F5: variants seen among roughly 807,000 people sequenced by gnomAD.
The protein encoded by F5 is coagulation factor V.
In F5, 138 loss-of-function variants were observed where a neutral mutation model predicts 216.4. The observed-to-expected ratio is 0.64, with a 90% CI of 0.56 to 0.73. F5 has a LOEUF of 0.73. Ranked by LOEUF, F5 falls within the 30% of genes least tolerant of loss-of-function variation. F5 has a pLI of 0.00. For missense variants in F5, 2,403 were observed against 2,674.0 expected (o/e 0.90, Z 2.24); for synonymous variants, 916 against 930.7 (o/e 0.98, Z 0.29).
At chr1:169,575,722 A>G (rs1439567048) in intron 2 of F5, among the ~76,000 whole-genome samples, 2 of 151,922 alleles carry the variant, frequency 1.3e-5, no homozygotes, top group Non-Finnish European at 2.9e-5. Context: ...TGATTTGGGG[A>G]GCTGGGTGGA....
chr1:169,528,688 T>A (rs9332624), intron 16 of F5, among the ~76,000 whole-genome samples: 1 of 152,072 alleles, frequency 6.6e-6, no homozygotes, highest in African/African-American at 2.4e-5. Context: ...AGGCTTTATC[T>A]ACTCTCCCCA....
chr1:169,540,180 G>A (rs1397216454), intron 13 of F5, 114 bp downstream of exon 13: 12 of 1,150,106 alleles, frequency 1.0e-5, no homozygotes, highest in South Asian at 1.3e-5. Flanking sequence ...TGCAATAGGG[G>A]AACCACACTG....
At chr1:169,561,514 A>T (rs894494576) in intron 3 of F5, among the ~76,000 whole-genome samples, 12 of 152,268 alleles carry the variant, frequency 7.9e-5, no homozygotes, top group African/African-American at 2.9e-4. Context: ...ACTCAATATT[A>T]AAAGAAGTGT....
intron 5 of F5, 83 bp downstream of exon 5, chr1:169,559,070 T>G: frequency 6.7e-7 from 1 of 1,497,144 alleles, no homozygotes; most frequent in Non-Finnish European, 9.3e-7. Context: ...TATGGTCAAC[T>G]TCTCTAGTGC....
chr1:169,533,848 A>T (rs1182605095), intron 14 of F5, among the ~76,000 whole-genome samples: 1 of 152,156 alleles, frequency 6.6e-6, no homozygotes, highest in Admixed American at 6.5e-5. Flanking sequence ...AAAGAATTTG[A>T]AACAGAACTA....
Position 169,559,296 on chromosome 1 carries a change from C to G in F5, c.587G>C (p.Gly196Ala). ...LIGPLLICKK[G>A]TLTEGGTQKT... is the part of the protein sequence containing the mutation. ...CTGTGTCCCACCCTCAGTTAGGGTCCCTATGAAAGGAAAGACATGTTTTCA... is the reference window on the plus strand; with the variant it reads ...CTGTGTCCCACCCTCAGTTAGGGTCGCTATGAAAGGAAAGACATGTTTTCA... The change falls in exon 5 of 25, where the codon GGG becomes GCG. Residue 196 changes from glycine (G) to alanine (A), a missense_variant and splice_region_variant. This residue lies in a region of F5 where 1,425 missense variants were observed against 1,554.8 expected (regional missense o/e 0.92). Coordinates refer to ENST00000367797, the MANE Select transcript of F5 (RefSeq NM_000130.5). 6.2e-7 allele frequency: 1 copy of G among 1,613,478 alleles called. No homozygotes were observed. The highest frequency in any genetic ancestry group is 8.5e-7 in the Non-Finnish European group (1 of 1,179,632).
chr1:169,572,010 G>T (rs1660734810), intron 3 of F5, among the ~76,000 whole-genome samples: 1 of 152,134 alleles, frequency 6.6e-6, no homozygotes, highest in Non-Finnish European at 1.5e-5. Context: ...ACATTAAAGA[G>T]TAAGAACCCA....
chr1:169,566,949 G>A (rs1183173215), intron 3 of F5, among the ~76,000 whole-genome samples: 1 of 152,026 alleles, frequency 6.6e-6, no homozygotes, highest in Non-Finnish European at 1.5e-5. Flanking sequence ...TAACACATGT[G>A]AGTAAGATAG....
intron 21 of F5, among the ~76,000 whole-genome samples, chr1:169,522,932 G>T (rs1198021968): frequency 6.6e-6 from 1 of 152,240 alleles, no homozygotes; most frequent in Non-Finnish European, 1.5e-5. Flanking sequence ...GCCAGTCTGA[G>T]AAATCTGGGT....
intron 3 of F5, among the ~76,000 whole-genome samples, chr1:169,571,601 C>T (rs1424091611): frequency 6.6e-6 from 1 of 152,152 alleles, no homozygotes. Flanking sequence ...GCCAGGAAGC[C>T]TATATCAGGC....
At chr1:169,569,687 C>T (rs1660682760) in intron 3 of F5, among the ~76,000 whole-genome samples, 2 of 152,016 alleles carry the variant, frequency 1.3e-5, no homozygotes, top group African/African-American at 4.8e-5. Context: ...AAGGAAATGT[C>T]CTTACAAGCA....
rs1012057631 is a variant in F5 at position 169,520,654 on chromosome 1, C to T, written c.6059G>A (p.Gly2020Asp). 2 of 1,613,174 alleles carry T rather than the reference C, an allele frequency of 1.2e-6. No homozygotes were observed. Among genetic ancestry groups the T allele is most frequent in the African/African-American group, 2.7e-5 (2 of 74,814 alleles). Residue 2020 changes from glycine to aspartate, a missense_variant, in exon 22 of 25, where the codon GGC becomes GAC. Around this residue, in one of 4 missense-constraint regions of F5, gnomAD observed 659 missense variants for 787.9 expected, o/e 0.84. Coordinates refer to ENST00000367797, the MANE Select transcript of F5 (RefSeq NM_000130.5). ...TTTTATTGTAGAGGCATCTGAATTG[C>T]CATTAAAATACTAGAAGAAAAGAGG... Reference protein sequence around the residue: ...NSTRNVMYFNGNSDASTIKEN... With the variant: ...NSTRNVMYFNDNSDASTIKEN...
intron 2 of F5, among the ~76,000 whole-genome samples, chr1:169,581,900 T>TCTAGGGAGC (rs1660994930): frequency 6.6e-6 from 1 of 152,142 alleles, no homozygotes; most frequent in Non-Finnish European, 1.5e-5. Context: ...TTTGAATGAA[T>TCTAGGGAGC]CTAGGGAGCC....
chr1:169,515,844 G>C, intron 23 of F5: 3 of 558,778 alleles, frequency 5.4e-6, no homozygotes, highest in Non-Finnish European at 9.5e-6. Context: ...TACTATAATT[G>C]TTTCCTTCTT....
At chr1:169,546,302 AC>A in intron 11 of F5, 139 bp downstream of exon 11, 1 of 1,034,398 alleles carries the variant, frequency 9.7e-7, no homozygotes, top group Non-Finnish European at 1.4e-6. Context: ...GGATTTCATC[AC>A]CAAGTCTTTG....
At chr1:169,524,651 C>T (rs1286433673) in intron 19 of F5, among the ~76,000 whole-genome samples, 186 bp downstream of exon 19, 1 of 152,148 alleles carries the variant, frequency 6.6e-6, no homozygotes, top group Non-Finnish European at 1.5e-5. Context: ...GCCTTTAGCT[C>T]CTACCATAGT....
intron 5 of F5, among the ~76,000 whole-genome samples, chr1:169,557,994 C>G (rs1215039877): frequency 6.6e-6 from 1 of 152,094 alleles, no homozygotes; most frequent in Non-Finnish European, 1.5e-5. Context: ...CCCAATTATT[C>G]TTTTGGGAAC....
rs777245066 is a variant in F5, at chr1:169,571,922, T to G, written c.373+299A>C. On this transcript the variant is annotated intron_variant, in intron 3 of 24. Transcript: ENST00000367797. ...TACTGACCCCCGCCTTAAACCATCTTTCAATGTATGTATTATTATTCCCAT... is the reference window on the plus strand; with the variant it reads ...TACTGACCCCCGCCTTAAACCATCTGTCAATGTATGTATTATTATTCCCAT... 2.6e-4 allele frequency among the ~76,000 whole-genome samples: 39 copies of G among 152,128 alleles called. 1 individual carries two copies. Among genetic ancestry groups the G allele is most frequent in the Admixed American group, 7.9e-4 (12 of 15,266 alleles).
intron 2 of F5, among the ~76,000 whole-genome samples, chr1:169,581,525 T>A (rs57207056): frequency 6.6e-6 from 1 of 151,860 alleles, no homozygotes; most frequent in African/African-American, 2.4e-5. Flanking sequence ...GATTTTTAAC[T>A]GAAAGGAAGA....
Sources: allele counts gnomAD v4.1 joint callset (sites outside exome capture counted in the v4.1 genomes callset), GRCh38; gene constraint gnomAD v4.1.1; regional missense constraint gnomAD v4.1.1; transcripts MANE v1.5; gene names NCBI Gene and HGNC (gene_info 2026-07-23, HGNC 2026-07-21).